MED27: variants seen among roughly 807,000 people sequenced by gnomAD.
MED27 encodes mediator complex subunit 27.
A neutral mutation model predicts 38.2 loss-of-function variants in MED27; 30 were observed. The observed-to-expected ratio is 0.79, with a 90% CI of 0.59 to 1.07. The LOEUF is 1.07. Ranked by LOEUF, MED27 falls within the 50% of genes least tolerant of loss-of-function variation. The pLI, the probability that MED27 is intolerant of heterozygous loss-of-function variation, is 0.00. For missense variants in MED27, 289 were observed against 397.5 expected (o/e 0.73, Z 2.32); for synonymous variants, 122 against 153.5 (o/e 0.79, Z 1.52).
chr9:131,944,739 C>G (rs1404470821), intron 3 of MED27, among the ~76,000 whole-genome samples: 1 of 152,020 alleles, frequency 6.6e-6, no homozygotes, highest in African/African-American at 2.4e-5. Context: ...ACCATGTTGG[C>G]CAGGCTGGTC....
chr9:131,965,209 T>C (rs1373191138), intron 3 of MED27, among the ~76,000 whole-genome samples: 1 of 152,230 alleles, frequency 6.6e-6, no homozygotes, highest in Non-Finnish European at 1.5e-5. Flanking sequence ...TCATAAAGCC[T>C]ACAGCCCAGG....
intron 2 of MED27, among the ~76,000 whole-genome samples, chr9:132,023,276 T>C (rs911592579): frequency 2.0e-5 from 3 of 152,224 alleles, no homozygotes; most frequent in Admixed American, 2.0e-4. Context: ...GACATTTCTA[T>C]GTCTCAGTTC....
chr9:131,919,327 T>C (rs1403129460), intron 4 of MED27, among the ~76,000 whole-genome samples: 1 of 152,178 alleles, frequency 6.6e-6, no homozygotes, highest in Non-Finnish European at 1.5e-5. Flanking sequence ...TCAGCCTCGG[T>C]TGCTGGGTCC....
intron 2 of MED27, among the ~76,000 whole-genome samples, chr9:132,024,538 C>A (rs1460545619): frequency 6.6e-6 from 1 of 152,102 alleles, no homozygotes; most frequent in Non-Finnish European, 1.5e-5. Flanking sequence ...AATCCTGTCA[C>A]CCTAAGCATG....
rs1199374040 is a variant in MED27 at position 132,079,633 on chromosome 9, G to A, written c.203+9C>T. ...GTCCCCGACCCCGGCCCCTTCAGCC[G>A]GTACCTACTTGAGGTCCCGGTTGAC... is the stretch of plus-strand genomic sequence containing the variant. On this transcript the variant is annotated intron_variant, in intron 1 of 7. Transcript: ENST00000292035. 2 of 1,611,860 alleles carry A rather than the reference G, an allele frequency of 1.2e-6. No individual in the cohort carries two copies. Among genetic ancestry groups the A allele is most frequent in the Non-Finnish European group, 1.7e-6 (2 of 1,179,628 alleles).
chr9:131,897,911 CT>C (rs1418262283), intron 4 of MED27, among the ~76,000 whole-genome samples: 1 of 152,148 alleles, frequency 6.6e-6, no homozygotes, highest in Admixed American at 6.5e-5. Flanking sequence ...TCTCATAAGT[CT>C]TTCCCAAACT....
intron 4 of MED27, among the ~76,000 whole-genome samples, chr9:131,906,971 T>C (rs1445568561): frequency 6.6e-6 from 1 of 152,194 alleles, no homozygotes; most frequent in Non-Finnish European, 1.5e-5. Context: ...GCCAGGGCAT[T>C]TGTAAACTGT....
At chr9:131,926,245 T>C (rs1164009163) in intron 4 of MED27, among the ~76,000 whole-genome samples, 1 of 152,260 alleles carries the variant, frequency 6.6e-6, no homozygotes, top group Non-Finnish European at 1.5e-5. Context: ...TATGCCTTTA[T>C]CTCCAGGGGC....
chr9:132,059,543 C>T (rs889684323), intron 2 of MED27, among the ~76,000 whole-genome samples: 2 of 152,200 alleles, frequency 1.3e-5, no homozygotes, highest in Non-Finnish European at 2.9e-5. Flanking sequence ...CCGAGAGATG[C>T]AGTCATGCTC....
rs541613602 is a variant in MED27 at position 132,038,801 on chromosome 9, C to G, written c.349-24334G>C. Among the ~76,000 whole-genome samples, 4 of 152,154 alleles carry G rather than the reference C, an allele frequency of 2.6e-5. No homozygotes were observed. In the East Asian group the frequency reaches 5.8e-4, roughly 22 times the overall value. On this transcript the variant is annotated intron_variant, in intron 2 of 7. Coordinates refer to ENST00000292035, the MANE Select transcript of MED27 (RefSeq NM_004269.4). ...GGAATGGCTTTGAATCAGCAGGAGA[C>G]AGGGAAGAAGGAAGGAGCTGAGGTG... is the stretch of plus-strand genomic sequence containing the variant.
At chr9:131,955,884 G>GC (rs1450598144) in intron 3 of MED27, among the ~76,000 whole-genome samples, 1 of 152,084 alleles carries the variant, frequency 6.6e-6, no homozygotes, top group Non-Finnish European at 1.5e-5. Flanking sequence ...AATGGATCAA[G>GC]CATTATCCTG....
At chr9:131,935,425 C>A (rs1830664374) in intron 4 of MED27, among the ~76,000 whole-genome samples, 1 of 152,126 alleles carries the variant, frequency 6.6e-6, no homozygotes. Context: ...AATGCTCATG[C>A]CAACATTATT....
intron 3 of MED27, among the ~76,000 whole-genome samples, chr9:132,001,586 A>T (rs1471691334): frequency 6.6e-6 from 1 of 152,236 alleles, no homozygotes; most frequent in Non-Finnish European, 1.5e-5. Context: ...TTTTCTGTGG[A>T]TCTGAGCATA....
chr9:131,936,252 C>T (rs1830682468), intron 4 of MED27, among the ~76,000 whole-genome samples: 1 of 152,056 alleles, frequency 6.6e-6, no homozygotes, highest in Non-Finnish European at 1.5e-5. Context: ...AAGAGGAGGA[C>T]AGCATCCTGG....
At position 131,872,167 on chromosome 9, in the gene MED27, C is replaced by A. The variant is rs1041358260; in HGVS notation, c.724-9027G>T. On this transcript the variant is annotated intron_variant, in intron 6 of 7. Transcript: ENST00000292035. The surrounding 1 kb of genome is among the most constrained non-coding windows in gnomAD (Gnocchi z 5.6). ...GGACCAGGACCCAGGAGTTCACAGG[C>A]TCCCTGAGATGATTTTGGGTGCAGG... Among the ~76,000 whole-genome samples, 2 of 151,674 alleles carry A rather than the reference C, an allele frequency of 1.3e-5. No homozygotes were observed. Among genetic ancestry groups the A allele is most frequent in the African/African-American group, 4.9e-5 (2 of 40,958 alleles).
At chr9:132,066,646 G>T (rs1419832638) in intron 2 of MED27, among the ~76,000 whole-genome samples, 1 of 152,176 alleles carries the variant, frequency 6.6e-6, no homozygotes, top group Non-Finnish European at 1.5e-5. Flanking sequence ...GTGGTGAGCT[G>T]GTGCCTCCCA....
chr9:131,969,170 C>A (rs1416992602), intron 3 of MED27, among the ~76,000 whole-genome samples: 1 of 132,864 alleles, frequency 7.5e-6, no homozygotes, highest in Non-Finnish European at 1.6e-5. Flanking sequence ...AAACCACCCC[C>A]CGCTCCTGCC....
rs1015976408 is a variant in MED27 at position 131,861,309 on chromosome 9, C to T, written c.802-637G>A. Among the ~76,000 whole-genome samples the T allele has an allele frequency of 3.9e-5, 6 of 152,020 alleles. No individual in the cohort carries two copies. Among genetic ancestry groups the T allele is most frequent in the Non-Finnish European group, 8.8e-5 (6 of 68,008 alleles). On this transcript the variant is annotated intron_variant, in intron 7 of 7. Coordinates refer to ENST00000292035, the MANE Select transcript of MED27 (RefSeq NM_004269.4). The surrounding 1 kb of genome is among the most constrained non-coding windows in gnomAD (Gnocchi z 4.4). The stretch of plus-strand genomic sequence containing the variant: ...GCGTCATACATAAGGATGAGCCTCC[C>T]GTAACTCAATTCTCAAACACAAGGA...
chr9:131,935,765 GATGAGCTC>G (rs1254422952), intron 4 of MED27, among the ~76,000 whole-genome samples: 2 of 152,116 alleles, frequency 1.3e-5, no homozygotes, highest in Non-Finnish European at 2.9e-5. Context: ...CAAATTGAGT[GATGAGCTC>G]ATGGGTTTAT....
Sources: allele counts gnomAD v4.1 joint callset (sites outside exome capture counted in the v4.1 genomes callset), GRCh38; gene constraint gnomAD v4.1.1; non-coding constraint Gnocchi (gnomAD v3.1); transcripts MANE v1.5; gene names NCBI Gene and HGNC (gene_info 2026-07-23, HGNC 2026-07-21).